Variants in NBPF3 observed in about 807,000 individuals in gnomAD.
NBPF3 encodes the protein NBPF member 3.
Under a neutral mutation model 78.1 loss-of-function variants are expected in NBPF3, and 57 were observed. The ratio of observed to expected loss-of-function variants is 0.73; its 90% CI spans 0.59 to 0.91. NBPF3 has a LOEUF of 0.91. Among genes scored for constraint, NBPF3 ranks in the 40% least tolerant of loss-of-function variants. The pLI is 0.00. For missense variants in NBPF3, 510 were observed against 715.3 expected, an observed-to-expected ratio of 0.71 and a Z score of 3.27; for synonymous variants, 182 against 271.7, an observed-to-expected ratio of 0.67 and a Z score of 3.25.
At chr1:21,437,650 C>A, upstream of NBPF3, 1 of 303,316 alleles carries the variant, frequency 3.3e-6, no homozygotes, top group South Asian at 4.5e-5. Context: ...GCTACATGTG[C>A]CTATTAACAT....
chr1:21,469,156 G>A (rs1307800641), intron 3 of NBPF3, among the ~76,000 whole-genome samples: 1 of 152,172 alleles, frequency 6.6e-6, no homozygotes, highest in Non-Finnish European at 1.5e-5. Context: ...GGCACAGAAC[G>A]ACCTGTTTTC....
chr1:21,471,651 C>T lies in NBPF3; in HGVS notation c.529C>T (p.Arg177Cys), dbSNP rs142355608. 0.041 allele frequency: 65,728 copies of T among 1,612,872 alleles called. 1,480 individuals are homozygous for T. The highest frequency in any genetic ancestry group is 0.046 in the Non-Finnish European group (53,990 of 1,179,760). ...EKLQEGRDAS[R>C]SLNQHLQALL... is the part of the protein sequence containing the mutation. ...GTTACAGGAAGGGAGAGATGCCTCC[C>T]GCTCATTGAATCAGCATCTCCAGGC... Residue 177 changes from arginine to cysteine, a missense_variant, in exon 5 of 15, where the codon CGC becomes TGC. By Grantham distance (180) the Arg-to-Cys change is radical. Transcript: ENST00000318249.
At chr1:21,483,072 T>C in intron 14 of NBPF3, 71 bp from the exon 15 acceptor site, 1 of 1,605,564 alleles carries the variant, frequency 6.2e-7, no homozygotes, top group African/African-American at 1.4e-5. Flanking sequence ...ATGTTACCCC[T>C]GAAATCTAGT....
upstream of NBPF3, chr1:21,437,369 A>G (rs562978905): frequency 1.6e-6 from 1 of 643,800 alleles, no homozygotes; most frequent in Non-Finnish European, 2.4e-6. Flanking sequence ...GAGGGCTCAG[A>G]GGGTGGTGAG....
chr1:21,448,473 T>C lies in NBPF3; in HGVS notation c.133+3254T>C, dbSNP rs375046918. Among the ~76,000 whole-genome samples the C allele has an allele frequency of 2.0e-4, 31 of 152,300 alleles. 1 individual carries two copies. The highest frequency in any genetic ancestry group is 7.5e-4 in the African/African-American group (31 of 41,552). On this transcript the variant is annotated intron_variant, in intron 2 of 14. Transcript: ENST00000318249. ...GCCTGTTTCTGGGCTCTGTATTCCT[T>C]TTCCACGAATCTATTTGTGTGTGTT...
In NBPF3 at chr1:21,447,275, G is replaced by C. The variant is rs141597988; in HGVS notation, c.133+2056G>C. Among the ~76,000 whole-genome samples, 66 of 152,242 alleles carry C rather than the reference G, an allele frequency of 4.3e-4. No homozygotes were observed. The East Asian group carries it at 8.1e-3, about 19-fold the overall frequency. ...TGTTGATACATCATTATCCCCTAAA[G>C]TCCATAGTTTACATTAGAGTTCATT... On this transcript the variant is annotated intron_variant, in intron 2 of 14. Transcript: ENST00000318249.
intron 4 of NBPF3, 119 bp from the exon 5 acceptor site, chr1:21,471,450 C>G (rs1444830296): frequency 3.0e-5 from 45 of 1,493,658 alleles, no homozygotes; most frequent in Non-Finnish European, 3.8e-5. Flanking sequence ...TAAACATGTG[C>G]TGACCTTCTG....
chr1:21,470,617 T>C lies in NBPF3; in HGVS notation c.344-15T>C. 1 of 1,572,562 alleles carries C rather than the reference T, an allele frequency of 6.4e-7. No individual in the cohort carries two copies. The highest frequency in any genetic ancestry group is 1.1e-5 in the South Asian group (1 of 90,460). On this transcript the variant is annotated splice_polypyrimidine_tract_variant and intron_variant, in intron 3 of 14. Coordinates refer to ENST00000318249, the MANE Select transcript of NBPF3 (RefSeq NM_032264.6). ...CCAGCCTTTCACTGAGGCAGGCGTG[T>C]GTGTCTTTTCTCAGACTATGAAGAC...
rs534639490 is a variant in NBPF3, at chr1:21,458,221, C to A, written c.134-10467C>A. 6.6e-5 allele frequency among the ~76,000 whole-genome samples: 10 copies of A among 152,200 alleles called. No individual in the cohort carries two copies. In the South Asian group the frequency reaches 2.1e-3, roughly 32 times the overall value. On this transcript the variant is annotated intron_variant, in intron 2 of 14. Transcript: ENST00000318249. ...TGGAGGCCTGGGGAGTTTCTTCAGA[C>A]CCCCAATAAAACTTGTTTAATACTA...
At chr1:21,447,915 CTT>C (rs1558476670) in intron 2 of NBPF3, among the ~76,000 whole-genome samples, 2 of 152,204 alleles carry the variant, frequency 1.3e-5, no homozygotes, top group East Asian at 3.9e-4. Flanking sequence ...TTTTGAGTGT[CTT>C]TTTCATATGC....
intron 11 of NBPF3, 51 bp downstream of exon 11, chr1:21,480,274 T>C: frequency 7.9e-6 from 7 of 882,982 alleles, no homozygotes; most frequent in Non-Finnish European, 1.1e-5. Flanking sequence ...CCTCCAGATA[T>C]GGGTGATATT....
upstream of NBPF3, chr1:21,437,597 C>T (rs1640450655): frequency 1.1e-5 from 7 of 614,044 alleles, no homozygotes; most frequent in East Asian, 2.7e-4. Flanking sequence ...TAACACCAGT[C>T]GAGCCTTATG....
intron 1 of NBPF3, chr1:21,440,791 C>T (rs1640596407): frequency 6.6e-6 from 1 of 152,482 alleles, no homozygotes; most frequent in African/African-American, 2.4e-5. Context: ...CTGGCGGTGT[C>T]TCCAGGCTGG....
intron 2 of NBPF3, among the ~76,000 whole-genome samples, chr1:21,461,851 CAT>C (rs1217787246): frequency 1.3e-5 from 2 of 152,186 alleles, no homozygotes; most frequent in African/African-American, 2.4e-5. Flanking sequence ...CTCCAAATCA[CAT>C]GTTTAAATGT....
At chr1:21,444,108 C>T (rs1640824448) in intron 1 of NBPF3, among the ~76,000 whole-genome samples, 1 of 152,066 alleles carries the variant, frequency 6.6e-6, no homozygotes, top group South Asian at 2.1e-4. Flanking sequence ...AGTACTTGAC[C>T]TTGCCTGGCA....
upstream of NBPF3, chr1:21,437,419 C>T: frequency 1.7e-6 from 2 of 1,200,900 alleles, 1 homozygote; most frequent in South Asian, 2.8e-5. Flanking sequence ...CAAACGTAGG[C>T]CTAGAGGAAC....
intron 8 of NBPF3, 70 bp downstream of exon 8, chr1:21,475,021 A>G (rs971324157): frequency 2.6e-5 from 36 of 1,377,632 alleles, no homozygotes; most frequent in African/African-American, 4.3e-5. Flanking sequence ...AGAGAAAATG[A>G]GGAAGCAATG....
intron 2 of NBPF3, among the ~76,000 whole-genome samples, chr1:21,450,521 T>A (rs1641249877): frequency 6.6e-6 from 1 of 152,202 alleles, no homozygotes; most frequent in Non-Finnish European, 1.5e-5. Flanking sequence ...TCTCATCACC[T>A]TAACAGGCTT....
intron 2 of NBPF3, chr1:21,453,304 C>G (rs1385938593): frequency 3.3e-5 from 5 of 152,146 alleles, no homozygotes; most frequent in African/African-American, 4.8e-5. Context: ...TCTATTACTT[C>G]AGTGGCCACT....
Sources: gnomAD v4.1 joint callset for allele counts (sites outside exome capture counted in the v4.1 genomes callset) on GRCh38, gnomAD v4.1.1 for gene constraint, MANE v1.5 for transcripts, NCBI Gene and HGNC (gene_info 2026-07-23, HGNC 2026-07-21) for gene names.